ANKFN1: variants seen among roughly 807,000 people sequenced by gnomAD.
ANKFN1 encodes the protein ankyrin repeat and fibronectin type III domain containing 1.
ANKFN1 carries 74 observed loss-of-function variants against 108.7 expected under a neutral mutation model. The ratio of observed to expected loss-of-function variants is 0.68; its 90% CI spans 0.56 to 0.83. The LOEUF (loss-of-function observed/expected upper bound fraction) is 0.83. Ranked by LOEUF, ANKFN1 falls within the 40% of genes least tolerant of loss-of-function variation. The pLI, the probability that ANKFN1 is intolerant of heterozygous loss-of-function variation, is 0.00. For missense variants in ANKFN1, 1,505 were observed against 1,382.3 expected (o/e 1.09, Z -1.41); for synonymous variants, 547 against 516.2 (o/e 1.06, Z -0.81).
At chr17:56,462,225 T>C (rs2049925802) in intron 14 of ANKFN1, 1 of 152,162 alleles carries the variant, frequency 6.6e-6, no homozygotes, top group Admixed American at 6.5e-5. Context: ...TAGAAAAACT[T>C]TTCTGAAGGG....
chr17:56,371,702 T>C (rs535046594), intron 6 of ANKFN1, among the ~76,000 whole-genome samples: 1 of 152,302 alleles, frequency 6.6e-6, no homozygotes, highest in South Asian at 2.1e-4. Context: ...AGTGACCAAG[T>C]GACCATCGTG....
At chr17:56,131,066 C>G (rs74723537) in intron 4 of ANKFN1, among the ~76,000 whole-genome samples, 1 of 152,000 alleles carries the variant, frequency 6.6e-6, no homozygotes, top group Non-Finnish European at 1.5e-5. Context: ...AGCTTTGTGC[C>G]GTAAAGACTA....
At chr17:56,071,856 C>A (rs1905124652) in intron 4 of ANKFN1, among the ~76,000 whole-genome samples, 1 of 152,172 alleles carries the variant, frequency 6.6e-6, no homozygotes, top group Non-Finnish European at 1.5e-5. Flanking sequence ...CTTTTATAGG[C>A]AGGGTTTTGG....
At chr17:56,313,116 G>A (rs1350248926) in intron 3 of ANKFN1, among the ~76,000 whole-genome samples, 1 of 150,416 alleles carries the variant, frequency 6.6e-6, no homozygotes, top group Non-Finnish European at 1.5e-5. Flanking sequence ...TCATGCCACT[G>A]CACTCTAGCC....
At chr17:56,370,329 G>T (rs1022732270) in intron 6 of ANKFN1, among the ~76,000 whole-genome samples, 2 of 152,136 alleles carry the variant, frequency 1.3e-5, no homozygotes, top group Non-Finnish European at 2.9e-5. Flanking sequence ...TGGTTCTAGG[G>T]AAAGCAGAAA....
intron 3 of ANKFN1, among the ~76,000 whole-genome samples, chr17:56,308,019 T>C (rs2144413921): frequency 6.6e-6 from 1 of 152,132 alleles, no homozygotes; most frequent in Non-Finnish European, 1.5e-5. Context: ...TTCTCACTCA[T>C]AGGTGGGAAT....
chr17:56,234,733 T>C (rs1312501532), intron 3 of ANKFN1, among the ~76,000 whole-genome samples: 1 of 152,202 alleles, frequency 6.6e-6, no homozygotes, highest in African/African-American at 2.4e-5. Flanking sequence ...GTACCACATT[T>C]TCTTTATCCA....
At chr17:56,426,679 A>G (rs2048579811) in intron 8 of ANKFN1, among the ~76,000 whole-genome samples, 1 of 152,236 alleles carries the variant, frequency 6.6e-6, no homozygotes, top group Non-Finnish European at 1.5e-5. Flanking sequence ...AGGATATGCA[A>G]TGTATGTTGA....
chr17:56,474,331 G>A (rs987002610), intron 15 of ANKFN1, among the ~76,000 whole-genome samples: 6 of 152,106 alleles, frequency 3.9e-5, no homozygotes, highest in Admixed American at 6.5e-5. Flanking sequence ...CAGTGAAACA[G>A]ATTATACTGG....
chr17:56,235,165 G>A (rs1046345537), intron 3 of ANKFN1, among the ~76,000 whole-genome samples: 4 of 152,054 alleles, frequency 2.6e-5, no homozygotes, highest in Non-Finnish European at 4.4e-5. Flanking sequence ...TGCAGTGTCT[G>A]TTCATGTCCA....
At chr17:56,468,331 C>A (rs1339334038) in intron 15 of ANKFN1, among the ~76,000 whole-genome samples, 1 of 152,142 alleles carries the variant, frequency 6.6e-6, no homozygotes, top group African/African-American at 2.4e-5. Context: ...ATTGGGACAC[C>A]AACCCATGTA....
chr17:56,236,219 G>A (rs1281150559), intron 3 of ANKFN1, among the ~76,000 whole-genome samples: 2 of 151,734 alleles, frequency 1.3e-5, no homozygotes, highest in African/African-American at 2.4e-5. Flanking sequence ...GACCACCCCC[G>A]GCTACTTTTT....
chr17:56,477,585 T>A lies in ANKFN1; in HGVS notation c.1871T>A (p.Val624Asp). Residue 624 changes from valine to aspartate, a missense_variant, in exon 16 of 21, where the codon GTT (valine) becomes GAT (aspartate). By Grantham distance (152) the Val-to-Asp change is radical. Transcript: ENST00000682825. The part of the protein sequence containing the change: ...KLCSSVDQIK[V>D]LVTQKLPNIL... ...TGTAGCTCTGTGGATCAAATCAAAG[T>A]TCTTGTTACCCAAAAGTTGCCCAAC... 1 of 1,613,834 alleles carries A rather than the reference T, an allele frequency of 6.2e-7. No homozygotes were observed. Among genetic ancestry groups the A allele is most frequent in the Non-Finnish European group, 8.5e-7 (1 of 1,179,880 alleles).
At chr17:56,164,853 C>G (rs941372868) in intron 1 of ANKFN1, among the ~76,000 whole-genome samples, 1 of 152,210 alleles carries the variant, frequency 6.6e-6, no homozygotes, top group African/African-American at 2.4e-5. Flanking sequence ...AAAATAAAAT[C>G]CAGTTCAGAC....
Position 56,288,680 on chromosome 17 carries a change from G to C in ANKFN1, c.54-37541G>C, listed in dbSNP as rs573018702. ...GACCAATAACCATGGAAAAATGCTA[G>C]GAAATAACAAATATATTTCTCTTAT... On this transcript the variant is annotated intron_variant, in intron 3 of 20. Transcript: ENST00000682825. Among the ~76,000 whole-genome samples, 98 of 152,194 alleles carry C rather than the reference G, an allele frequency of 6.4e-4. 2 individuals are homozygous for C. In the South Asian group the frequency reaches 0.02, roughly 30 times the overall value.
chr17:56,362,359 C>T (rs1043884465), intron 6 of ANKFN1, among the ~76,000 whole-genome samples: 37 of 152,224 alleles, frequency 2.4e-4, no homozygotes, highest in Admixed American at 1.2e-3. Flanking sequence ...ACACAGAATC[C>T]ACTAGCCACA....
At chr17:56,223,522 A>G (rs1054422404) in intron 2 of ANKFN1, among the ~76,000 whole-genome samples, 1 of 152,212 alleles carries the variant, frequency 6.6e-6, no homozygotes, top group Non-Finnish European at 1.5e-5. Flanking sequence ...GGCTAGGAAA[A>G]AACAAAAAAC....
intron 3 of ANKFN1, among the ~76,000 whole-genome samples, chr17:56,266,019 T>C (rs908577752): frequency 1.3e-5 from 2 of 152,200 alleles, no homozygotes; most frequent in African/African-American, 4.8e-5. Flanking sequence ...AGTATCTAGC[T>C]ACTGGCTTTT....
intron 8 of ANKFN1, among the ~76,000 whole-genome samples, chr17:56,422,893 G>A (rs2048454740): frequency 6.6e-6 from 1 of 152,190 alleles, no homozygotes; most frequent in Non-Finnish European, 1.5e-5. Flanking sequence ...CACGTGCTTG[G>A]TCTGTAACTA....
Sources: allele counts gnomAD v4.1 joint callset (sites outside exome capture counted in the v4.1 genomes callset), GRCh38; gene constraint gnomAD v4.1.1; transcripts MANE v1.5; gene names NCBI Gene and HGNC (gene_info 2026-07-23, HGNC 2026-07-21).